The following CSMD3 variants were observed in gnomAD, a reference collection of about 807,000 sequenced individuals.
The protein encoded by CSMD3 is CUB and sushi domain-containing protein 3.
CSMD3 carries 177 observed loss-of-function variants against 435.2 expected under a neutral mutation model. The ratio of observed to expected loss-of-function variants is 0.41; its 90% CI spans 0.36 to 0.46. The LOEUF is 0.46. CSMD3 is among the 20% of genes least tolerant of loss of function. CSMD3 has a pLI of 0.34. For synonymous variants in CSMD3, 1,656 were observed against 1,520.5 expected (o/e 1.09, Z -2.07); for missense variants, 4,265 against 4,504.6 (o/e 0.95, Z 1.52).
chr8:112,294,854 A>G (rs1309157776), intron 54 of CSMD3, among the ~76,000 whole-genome samples: 1 of 152,174 alleles, frequency 6.6e-6, no homozygotes, highest in Non-Finnish European at 1.5e-5. Flanking sequence ...AAAATAGTGT[A>G]AACAGTGCTT....
At chr8:112,490,715 T>C (rs1052263898) in intron 31 of CSMD3, among the ~76,000 whole-genome samples, 3 of 152,176 alleles carry the variant, frequency 2.0e-5, no homozygotes, top group Non-Finnish European at 2.9e-5. Flanking sequence ...CAAATGATCA[T>C]TGACAGTAAA....
chr8:113,407,363 A>G (rs1443879586), intron 1 of CSMD3, among the ~76,000 whole-genome samples: 1 of 152,160 alleles, frequency 6.6e-6, no homozygotes, highest in Non-Finnish European at 1.5e-5. Context: ...TAAGTGAGCC[A>G]CCATGTACAA....
intron 10 of CSMD3, among the ~76,000 whole-genome samples, chr8:112,898,502 C>T (rs921796125): frequency 6.6e-6 from 1 of 151,118 alleles, no homozygotes; most frequent in African/African-American, 2.4e-5. Flanking sequence ...CTATATTTAA[C>T]TTCATTTACT....
At chr8:113,152,016 GT>G (rs2091817810) in intron 4 of CSMD3, among the ~76,000 whole-genome samples, 1 of 151,932 alleles carries the variant, frequency 6.6e-6, no homozygotes, top group African/African-American at 2.4e-5. Context: ...TTACATGGGG[GT>G]TTTTAGAGTA....
At chr8:113,121,561 G>A (rs2090986966) in intron 4 of CSMD3, among the ~76,000 whole-genome samples, 1 of 152,040 alleles carries the variant, frequency 6.6e-6, no homozygotes, top group African/African-American at 2.4e-5. Context: ...GGGCTGAATA[G>A]GCTTGAGCTC....
chr8:112,521,239 A>G (rs1824249735), intron 27 of CSMD3, among the ~76,000 whole-genome samples: 1 of 151,992 alleles, frequency 6.6e-6, no homozygotes, highest in Non-Finnish European at 1.5e-5. Flanking sequence ...TCTTTAATAG[A>G]AAATCTATTA....
rs2080480659 is a variant in CSMD3, at chr8:112,851,350, A to C, written c.1755+7795T>G. Among the ~76,000 whole-genome samples the C allele has an allele frequency of 2.0e-5, 3 of 152,200 alleles. No homozygotes were observed. In the South Asian group the frequency reaches 6.2e-4, roughly 32 times the overall value. On this transcript the variant is annotated intron_variant, in intron 11 of 70. Transcript: ENST00000297405. The stretch of plus-strand genomic sequence containing the variant: ...AAGCAAAAAAACTAACATGGATTCA[A>C]GTCTACTACAGGCCCAGTTTCACGT...
chr8:112,770,839 A>G (rs865896913), intron 13 of CSMD3, among the ~76,000 whole-genome samples: 2 of 152,058 alleles, frequency 1.3e-5, no homozygotes, highest in Non-Finnish European at 2.9e-5. Context: ...GATTTTACCT[A>G]TAACAGCTAT....
In CSMD3 at chr8:113,173,896, C is replaced by T; in HGVS notation, c.535G>A (p.Gly179Arg). The change falls in exon 4 of 71, where the codon GGA (glycine) becomes AGA (arginine). Residue 179 changes from glycine (G) to arginine (R), a missense_variant. By Grantham distance (125) the Gly-to-Arg change is moderately radical. Around this residue, in one of 3 missense-constraint regions of CSMD3, gnomAD observed 731 missense variants for 755.4 expected, o/e 0.97. Coordinates refer to ENST00000297405, the MANE Select transcript of CSMD3 (RefSeq NM_198123.2). ...CCTTTGGGTGGAACACCAGGATTTCCACAAGAGCTACTCTGCAATTCTATT... is the reference window on the plus strand; with the variant it reads ...CCTTTGGGTGGAACACCAGGATTTCTACAAGAGCTACTCTGCAATTCTATT... Reference protein sequence around the residue: ...YYEELQSSSCGNPGVPPKGVL... With the variant: ...YYEELQSSSCRNPGVPPKGVL... The T allele has an allele frequency of 6.2e-7, 1 of 1,613,374 alleles. No individual in the cohort carries two copies. Among genetic ancestry groups the T allele is most frequent in the Non-Finnish European group, 8.5e-7 (1 of 1,179,476 alleles).
chr8:112,471,612 T>C (rs1818530348), intron 32 of CSMD3, among the ~76,000 whole-genome samples: 1 of 152,096 alleles, frequency 6.6e-6, no homozygotes, highest in Non-Finnish European at 1.5e-5. Context: ...TTCAGAAGGA[T>C]GAAAAGGAGG....
chr8:112,931,950 T>C (rs532952013), intron 9 of CSMD3, among the ~76,000 whole-genome samples: 1 of 152,244 alleles, frequency 6.6e-6, no homozygotes, highest in African/African-American at 2.4e-5. Flanking sequence ...AAGTAACAAA[T>C]GCTGGTGAGG....
chr8:113,046,497 C>T (rs2087840421), intron 5 of CSMD3, among the ~76,000 whole-genome samples: 1 of 127,534 alleles, frequency 7.8e-6, no homozygotes, highest in Non-Finnish European at 1.9e-5. Flanking sequence ...CGCAAAACTC[C>T]CTCATTCCGA....
At chr8:113,311,190 T>C (rs1485092135) in intron 2 of CSMD3, 4 of 152,108 alleles carry the variant, frequency 2.6e-5, no homozygotes, top group Non-Finnish European at 5.9e-5. Flanking sequence ...TCCAGCAATG[T>C]TGCCTTAAAT....
chr8:112,635,514 A>C (rs1034058191), intron 22 of CSMD3, among the ~76,000 whole-genome samples: 1 of 145,652 alleles, frequency 6.9e-6, no homozygotes, highest in Non-Finnish European at 1.5e-5. Context: ...AAATGTCCTT[A>C]AAAAAAAAAA....
chr8:113,257,191 G>A (rs1011330225), intron 3 of CSMD3, among the ~76,000 whole-genome samples: 4 of 152,070 alleles, frequency 2.6e-5, no homozygotes, highest in African/African-American at 9.7e-5. Context: ...GGCGGATCAC[G>A]TGGTCAGGAG....
chr8:112,343,001 T>TATTTATATATATATATATTTA lies in CSMD3; in HGVS notation c.6443-1316_6443-1315insTAAATATATATATATATAAAT, dbSNP rs1554647587. Among the ~76,000 whole-genome samples, 5 of 109,676 alleles carry TATTTATATATATATATATTTA rather than the reference T, an allele frequency of 4.6e-5. 1 individual carries two copies. In the South Asian group the frequency reaches 8.0e-4, roughly 18 times the overall value. 72.0% of individuals were successfully genotyped at this position (109,676 alleles called of 152,430 possible). ...TATATATATATTTATATATATATAT[T>TATTTATATATATATATATTTA]TATATATATATATATTTATATATAT... On this transcript the variant is annotated intron_variant, in intron 41 of 70. Coordinates refer to ENST00000297405, the MANE Select transcript of CSMD3 (RefSeq NM_198123.2).
At chr8:112,849,111 A>C (rs1466686936) in intron 11 of CSMD3, among the ~76,000 whole-genome samples, 3 of 152,138 alleles carry the variant, frequency 2.0e-5, no homozygotes, top group Non-Finnish European at 4.4e-5. Context: ...CCGACAATTA[A>C]GACTTCTACT....
intron 12 of CSMD3, among the ~76,000 whole-genome samples, chr8:112,821,309 T>C (rs2079524070): frequency 6.6e-6 from 1 of 152,046 alleles, no homozygotes; most frequent in Non-Finnish European, 1.5e-5. Flanking sequence ...CTTCCCAGTA[T>C]CTATTGTTTC....
At chr8:112,413,212 T>C (rs1259741287) in intron 32 of CSMD3, among the ~76,000 whole-genome samples, 1 of 152,144 alleles carries the variant, frequency 6.6e-6, no homozygotes, top group Non-Finnish European at 1.5e-5. Context: ...CATGAATAAA[T>C]TCAGAATGAG....
Sources: gnomAD v4.1 joint callset for allele counts (sites outside exome capture counted in the v4.1 genomes callset) on GRCh38, gnomAD v4.1.1 for gene constraint, gnomAD v4.1.1 regional missense constraint, MANE v1.5 for transcripts, NCBI Gene and HGNC (gene_info 2026-07-23, HGNC 2026-07-21) for gene names.